FAM168A: variants seen among roughly 807,000 people sequenced by gnomAD.
FAM168A encodes family with sequence similarity 168 member A.
A neutral mutation model predicts 28.5 loss-of-function variants in FAM168A; 3 were observed. The ratio of observed to expected loss-of-function variants is 0.11; its 90% confidence interval spans 0.05 to 0.27. The LOEUF is 0.27. Ranked by LOEUF, FAM168A falls within the 10% of genes least tolerant of loss-of-function variation. FAM168A has a pLI of 1.00. For synonymous variants in FAM168A, 122 were observed against 124.2 expected, an observed-to-expected ratio of 0.98 and a Z score of 0.12; for missense variants, 222 against 311.5, an observed-to-expected ratio of 0.71 and a Z score of 2.16.
intron 4 of FAM168A, among the ~76,000 whole-genome samples, 162 bp downstream of exon 4, chr11:73,419,712 T>C (rs547065432): frequency 3.9e-5 from 6 of 152,352 alleles, no homozygotes; most frequent in African/African-American, 1.4e-4. Context: ...GAGAATGACC[T>C]TTCCTGAATA....
chr11:73,573,485 TC>T (rs1944133002), intron 1 of FAM168A, among the ~76,000 whole-genome samples: 1 of 152,180 alleles, frequency 6.6e-6, no homozygotes, highest in African/African-American at 2.4e-5. Context: ...CACCCCATTT[TC>T]TCATTTCCAC....
At position 73,540,717 on chromosome 11, in the gene FAM168A, T is replaced by C. The variant is rs1390415081; in HGVS notation, c.-19+57206A>G. ...TTGATCATCATCCCAACATATGGTGTTTCCTTATCTTGCTTTATTTTTTAT... is the reference window on the plus strand; with the variant it reads ...TTGATCATCATCCCAACATATGGTGCTTCCTTATCTTGCTTTATTTTTTAT... On this transcript the variant is annotated intron_variant, in intron 1 of 7. Transcript: ENST00000356467. Among the ~76,000 whole-genome samples the C allele has an allele frequency of 3.3e-5, 5 of 152,182 alleles. No individual in the cohort carries two copies. In the East Asian group the frequency reaches 9.6e-4, roughly 29 times the overall value.
At position 73,587,145 on chromosome 11, in the gene FAM168A, G is replaced by T. The variant is rs1207641993; in HGVS notation, c.-19+10778C>A. 7.8e-5 allele frequency among the ~76,000 whole-genome samples: 10 copies of T among 127,830 alleles called. No homozygotes were observed. In the Admixed American group the frequency reaches 8.3e-4, roughly 11 times the overall value. The allele number at this position is 127,830 out of a possible 152,430, so 83.9% of individuals were successfully genotyped here. A position where few individuals can be genotyped will look rare whatever the true frequency, so the allele number is the denominator to read the frequency against. ...TAATAGTGTCATTGCATTCTTCATG[G>T]ACATGTTAAAAAAAAAAAAAAAAAA... On this transcript the variant is annotated intron_variant, in intron 1 of 7. Transcript: ENST00000356467.
At position 73,424,678 on chromosome 11, in the gene FAM168A, C is replaced by T. The variant is rs186664900; in HGVS notation, c.152-4679G>A. 1.2e-4 allele frequency among the ~76,000 whole-genome samples: 19 copies of T among 152,300 alleles called. 1 individual carries two copies. In the East Asian group the frequency reaches 3.5e-3, roughly 28 times the overall value. ...TCTAATAGGCATAATCCAGGTACTC[C>T]TTCACAGAGGCTACCACAAAGCCAA... is the stretch of plus-strand genomic sequence containing the variant. On this transcript the variant is annotated intron_variant, in intron 3 of 7. Transcript: ENST00000356467.
At chr11:73,411,319 A>ACC (rs1866605919) in intron 5 of FAM168A, 75 bp downstream of exon 5, 5 of 1,483,784 alleles carry the variant, frequency 3.4e-6, no homozygotes, top group Non-Finnish European at 4.5e-6. Context: ...TCACTTCCTC[A>ACC]CCCTACCCCA....
chr11:73,590,935 G>C (rs1271411240), intron 1 of FAM168A, among the ~76,000 whole-genome samples: 2 of 152,152 alleles, frequency 1.3e-5, no homozygotes, highest in African/African-American at 4.8e-5. Flanking sequence ...CTGAGGTCAG[G>C]GGTTCAAGAC....
At chr11:73,595,021 A>G (rs532115312) in intron 1 of FAM168A, among the ~76,000 whole-genome samples, 18 of 152,286 alleles carry the variant, frequency 1.2e-4, no homozygotes, top group African/African-American at 4.3e-4. Flanking sequence ...ATACAAAAAC[A>G]CATTACTACT....
chr11:73,499,330 C>T (rs1262640697), intron 1 of FAM168A, among the ~76,000 whole-genome samples: 1 of 152,054 alleles, frequency 6.6e-6, no homozygotes, highest in Non-Finnish European at 1.5e-5. Flanking sequence ...ACAGCATCAA[C>T]GACAACAAAA....
chr11:73,516,170 T>A (rs1943301706), intron 1 of FAM168A, among the ~76,000 whole-genome samples: 1 of 151,966 alleles, frequency 6.6e-6, no homozygotes, highest in Non-Finnish European at 1.5e-5. Context: ...TTCTGGCTCT[T>A]TGGGGGAACA....
chr11:73,479,322 T>C (rs541000772), intron 1 of FAM168A, among the ~76,000 whole-genome samples: 1 of 152,332 alleles, frequency 6.6e-6, no homozygotes, highest in East Asian at 1.9e-4. Flanking sequence ...TTATTTTTTA[T>C]TACTGTTATA....
At chr11:73,496,907 G>A (rs10672163) in intron 1 of FAM168A, among the ~76,000 whole-genome samples, 189 of 116,408 alleles carry the variant, frequency 1.6e-3, no homozygotes, top group Middle Eastern at 0.012. Context: ...ACACACACAC[G>A]CACACACACG....
Position 73,486,557 on chromosome 11 carries a change from T to C in FAM168A, c.-18-18065A>G, listed in dbSNP as rs557437996. Among the ~76,000 whole-genome samples, 27 of 152,328 alleles carry C rather than the reference T, an allele frequency of 1.8e-4. 1 individual carries two copies. The South Asian group carries it at 5.6e-3, about 32-fold the overall frequency. On this transcript the variant is annotated intron_variant, in intron 1 of 7. Coordinates refer to ENST00000356467, the MANE Select transcript of FAM168A (RefSeq NM_015159.3). ...CTGGTTTTCAATAACATTCCAGACT[T>C]CCCATTTCGGATAAAGATAATCACA...
intron 1 of FAM168A, among the ~76,000 whole-genome samples, chr11:73,594,682 G>C (rs936037245): frequency 2.6e-5 from 4 of 152,032 alleles, no homozygotes; most frequent in Non-Finnish European, 5.9e-5. Flanking sequence ...TTACAGGCAC[G>C]TGCTACCAGC....
At chr11:73,590,285 C>G (rs1161688245) in intron 1 of FAM168A, among the ~76,000 whole-genome samples, 1 of 152,148 alleles carries the variant, frequency 6.6e-6, no homozygotes, top group Non-Finnish European at 1.5e-5. Context: ...TGCCTGTAGT[C>G]CCAGCTACTT....
chr11:73,548,888 G>A (rs1340460302), intron 1 of FAM168A, among the ~76,000 whole-genome samples: 1 of 152,008 alleles, frequency 6.6e-6, no homozygotes, highest in African/African-American at 2.4e-5. Context: ...CTCCCTCCTT[G>A]GCCTCCCAAA....
intron 1 of FAM168A, among the ~76,000 whole-genome samples, chr11:73,538,446 G>A (rs1307374548): frequency 2.6e-5 from 4 of 152,044 alleles, no homozygotes; most frequent in Non-Finnish European, 4.4e-5. Context: ...CAAAATGCAT[G>A]TTGATAGATC....
At chr11:73,477,627 A>G (rs1392501197) in intron 1 of FAM168A, among the ~76,000 whole-genome samples, 4 of 152,188 alleles carry the variant, frequency 2.6e-5, no homozygotes, top group Non-Finnish European at 4.4e-5. Flanking sequence ...GGGAATAACA[A>G]TAAGATTAAC....
At chr11:73,427,743 T>C (rs1257480197) in intron 3 of FAM168A, among the ~76,000 whole-genome samples, 2 of 152,244 alleles carry the variant, frequency 1.3e-5, no homozygotes, top group Non-Finnish European at 1.5e-5. Context: ...ATTTATTCCA[T>C]GTCTTTCCAC....
chr11:73,411,686 C>T (rs1866613804), intron 4 of FAM168A, 150 bp from the exon 5 acceptor site: 1 of 840,282 alleles, frequency 1.2e-6, no homozygotes, highest in Non-Finnish European at 1.9e-6. Flanking sequence ...AGGGCTCCAC[C>T]CAGAAAGCCC....
Sources: gnomAD v4.1 joint callset for allele counts (sites outside exome capture counted in the v4.1 genomes callset) on GRCh38, gnomAD v4.1.1 for gene constraint, MANE v1.5 for transcripts, NCBI Gene and HGNC (gene_info 2026-07-23, HGNC 2026-07-21) for gene names.